CCM2L: variants seen among roughly 807,000 people sequenced by gnomAD.
CCM2L encodes CCM2 like scaffold protein, also known as cerebral cavernous malformations 2 protein-like.
A neutral mutation model predicts 54.1 loss-of-function variants in CCM2L; 36 were observed. That is an observed-to-expected ratio of 0.67 (90% CI 0.51 to 0.88). The LOEUF is 0.88. CCM2L is among the 40% of genes least tolerant of loss of function. The pLI, the probability that CCM2L is intolerant of heterozygous loss-of-function variation, is 0.00. For synonymous variants in CCM2L, 351 were observed against 359.3 expected, an observed-to-expected ratio of 0.98 and a Z score of 0.26; for missense variants, 700 against 812.1, an observed-to-expected ratio of 0.86 and a Z score of 1.68.
At chr20:32,023,723 TTTG>T (rs377581830) in intron 6 of CCM2L, among the ~76,000 whole-genome samples, 8 of 152,134 alleles carry the variant, frequency 5.3e-5, no homozygotes, top group East Asian at 3.8e-4. Flanking sequence ...TTGGTTGGTT[TTTG>T]TTGTTGTTGT....
At position 32,029,086 on chromosome 20, in the gene CCM2L, A is replaced by C. The variant is rs1029880508; in HGVS notation, c.1225A>C (p.Ser409Arg). The C allele has an allele frequency of 6.2e-7, 1 of 1,614,088 alleles. No individual in the cohort carries two copies. Among genetic ancestry groups the C allele is most frequent in the Non-Finnish European group, 8.5e-7 (1 of 1,180,052 alleles). Reference sequence around the variant, plus strand: ...CCACTGCAGCGGCAGCGACCACAGCAGTCTGGGCTTGGAGCAGTTACAGGA... The same window carrying C: ...CCACTGCAGCGGCAGCGACCACAGCCGTCTGGGCTTGGAGCAGTTACAGGA... ...GSHCSGSDHS[S>R]LGLEQLQDYM... Residue 409 changes from serine to arginine, a missense_variant, in exon 8 of 10, where the codon AGT becomes CGT. Coordinates refer to ENST00000452892, the MANE Select transcript of CCM2L (RefSeq NM_001365692.1).
In CCM2L at chr20:32,031,152, C is replaced by T; in HGVS notation, c.1554C>T (p.Tyr518=). ...SSTSASAVRS[Y]DGAAQRPEAQ... ...CGTCGGCCTCCGCAGTGCGCAGCTA[C>T]GATGGCGCGGCGCAGCGGCCCGAGG... The change falls in exon 10 of 10, where the codon TAC becomes TAT. Residue 518 remains tyrosine (Y), a synonymous_variant. Transcript: ENST00000452892. 3.8e-6 allele frequency: 5 copies of T among 1,303,300 alleles called. No homozygotes were observed. The South Asian group carries it at 4.9e-5, about 13-fold the overall frequency. The allele number at this position is 1,303,300 out of a possible 1,614,324, so 80.7% of individuals were successfully genotyped here.
rs2064817266 is a variant in CCM2L, at chr20:32,022,758, C to G, written c.1032C>G (p.Tyr344Ter). Residue 344 changes from tyrosine (Y) to a stop codon, truncating the protein, a stop_gained, in exon 6 of 10, where the codon TAC becomes TAG. Transcript: ENST00000452892. LOFTEE classifies it high-confidence loss of function. ...GTGTGGACCGGGCTGGCTACCACTACACATCCACACCTGAACGGCCATGGC... is the reference window on the plus strand; with the variant it reads ...GTGTGGACCGGGCTGGCTACCACTAGACATCCACACCTGAACGGCCATGGC... ...IECVDRAGYH[Y>*]TSTPERPWLC... 6.2e-7 allele frequency: 1 copy of G among 1,613,604 alleles called. No homozygotes were observed. Among genetic ancestry groups the G allele is most frequent in the East Asian group, 2.2e-5 (1 of 44,856 alleles).
chr20:32,028,685 G>A (rs2064887052), intron 7 of CCM2L: 3 of 366,944 alleles, frequency 8.2e-6, no homozygotes, highest in Non-Finnish European at 1.0e-5. Context: ...ATCACGGGAT[G>A]AGTAAGAGTT....
chr20:32,014,550 G>C (rs2064722261), intron 1 of CCM2L, among the ~76,000 whole-genome samples: 1 of 152,106 alleles, frequency 6.6e-6, no homozygotes, highest in Non-Finnish European at 1.5e-5. Flanking sequence ...ACAGGTATGA[G>C]CCACCACGCC....
intron 1 of CCM2L, among the ~76,000 whole-genome samples, chr20:32,012,420 G>A (rs2064702649): frequency 6.6e-6 from 1 of 152,156 alleles, no homozygotes; most frequent in Non-Finnish European, 1.5e-5. Flanking sequence ...GCTAGGTGTG[G>A]TGGTGGTGCA....
chr20:32,014,994 T>A lies in CCM2L; in HGVS notation c.121T>A (p.Ser41Thr). The A allele has an allele frequency of 6.3e-7, 1 of 1,580,492 alleles. No homozygotes were observed. The highest frequency in any genetic ancestry group is 8.6e-7 in the Non-Finnish European group (1 of 1,165,792). Residue 41 changes from serine (S) to threonine (T), a missense_variant, in exon 2 of 10, where the codon TCG (serine) becomes ACG (threonine). Transcript: ENST00000452892. ...RSSVSRRPLH[S>T]MPLYPPDYLI... is the part of the protein sequence containing the mutation. ...CAGCGTGAGCCGCCGGCCCCTGCAC[T>A]CGATGCCCCTTTATCCCCCCGACTA...
rs1166347366 is a variant in CCM2L at position 32,029,131 on chromosome 20, T to C, written c.1263+7T>C. The C allele has an allele frequency of 3.1e-6, 5 of 1,614,004 alleles. No individual in the cohort carries two copies. The African/African-American group carries it at 5.3e-5, about 17-fold the overall frequency. On this transcript the variant is annotated splice_region_variant and intron_variant, in intron 8 of 9. Transcript: ENST00000452892. ...ACAGGATTACATGGTCACGGTGAGC[T>C]GGGGCCGGTGGTGGGAATGGCACAA...
chr20:32,019,457 G>A, intron 5 of CCM2L, 48 bp downstream of exon 5: 2 of 1,368,684 alleles, frequency 1.5e-6, no homozygotes, highest in Non-Finnish European at 1.9e-6. Flanking sequence ...CGGGAACGCT[G>A]CTTCCCCGCC....
At chr20:32,028,923 C>A in intron 7 of CCM2L, 72 bp from the exon 8 acceptor site, 4 of 1,597,254 alleles carry the variant, frequency 2.5e-6, no homozygotes, top group Non-Finnish European at 3.4e-6. Flanking sequence ...GATGAGGCCT[C>A]CTACCTTCAG....
At chr20:32,017,379 G>T (rs1252055046) in intron 2 of CCM2L, among the ~76,000 whole-genome samples, 4 of 152,192 alleles carry the variant, frequency 2.6e-5, no homozygotes, top group Non-Finnish European at 5.9e-5. Context: ...CAGGCCAGAG[G>T]AAATTTACAG....
intron 7 of CCM2L, among the ~76,000 whole-genome samples, chr20:32,027,337 C>G (rs1372881022): frequency 6.6e-6 from 1 of 152,212 alleles, no homozygotes; most frequent in African/African-American, 2.4e-5. Flanking sequence ...TTTAAACAAC[C>G]AGATATCTAC....
chr20:32,031,371 T>C lies in CCM2L; in HGVS notation c.*57T>C, dbSNP rs983132150. ...GCCCACCTCTGAGTCTCAGCTTTGC[T>C]TCGGGGACCCTATCCCCAGGGCCCC... is the stretch of plus-strand genomic sequence containing the variant. On this transcript the variant is annotated 3_prime_UTR_variant, in exon 10 of 10. Coordinates refer to ENST00000452892, the MANE Select transcript of CCM2L (RefSeq NM_001365692.1). 1 of 1,210,836 alleles carries C rather than the reference T, an allele frequency of 8.3e-7. No homozygotes were observed. Among genetic ancestry groups the C allele is most frequent in the Non-Finnish European group, 1.1e-6 (1 of 950,906 alleles). The allele number at this position is 1,210,836 out of a possible 1,614,324, so 75.0% of individuals were successfully genotyped here. A position where few individuals can be genotyped will look rare whatever the true frequency, so the allele number is the denominator to read the frequency against.
At position 32,015,877 on chromosome 20, in the gene CCM2L, G is replaced by C. The variant is rs1400989585; in HGVS notation, c.198+806G>C. On this transcript the variant is annotated intron_variant, in intron 2 of 9. Transcript: ENST00000452892. Reference sequence around the variant, plus strand: ...TGTACTTCTTTTTTTTTTTTTTTGAGACAGAGTCTCATTCTGTCTCCCAGG... The same window carrying C: ...TGTACTTCTTTTTTTTTTTTTTTGACACAGAGTCTCATTCTGTCTCCCAGG... Among the ~76,000 whole-genome samples, 4 of 59,078 alleles carry C rather than the reference G, an allele frequency of 6.8e-5. No homozygotes were observed. In the East Asian group the frequency reaches 9.9e-4, roughly 15 times the overall value. 38.8% of individuals were successfully genotyped at this position (59,078 alleles called of 152,430 possible). A position where few individuals can be genotyped will look rare whatever the true frequency, so the allele number is the denominator to read the frequency against.
intron 5 of CCM2L, among the ~76,000 whole-genome samples, chr20:32,020,716 A>C (rs996910308): frequency 1.3e-5 from 2 of 152,166 alleles, no homozygotes; most frequent in African/African-American, 4.8e-5. Flanking sequence ...TTTTTAAAAC[A>C]TAACCAAGCC....
intron 7 of CCM2L, among the ~76,000 whole-genome samples, chr20:32,027,460 C>A (rs901017128): frequency 1.3e-5 from 2 of 152,206 alleles, no homozygotes; most frequent in Non-Finnish European, 2.9e-5. Flanking sequence ...ACAGCAGCTA[C>A]TGTTTATTGC....
At chr20:32,014,483 C>T (rs2064721368) in intron 1 of CCM2L, among the ~76,000 whole-genome samples, 1 of 152,102 alleles carries the variant, frequency 6.6e-6, no homozygotes, top group Non-Finnish European at 1.5e-5. Flanking sequence ...CCAGGCTAGT[C>T]TCCAACTCCT....
In CCM2L at chr20:32,031,531, A is replaced by C. The variant is rs2064929384; in HGVS notation, c.*217A>C. ...CCGGGCCCTGAAGTCCGGGGCAGTC[A>C]CCCGGGGCTCCTGGGCCGCTCTGCC... On this transcript the variant is annotated 3_prime_UTR_variant, in exon 10 of 10. Transcript: ENST00000452892. 6.4e-6 allele frequency: 2 copies of C among 311,218 alleles called. No homozygotes were observed. Among genetic ancestry groups the C allele is most frequent in the South Asian group, 2.9e-5 (1 of 34,708 alleles). 19.3% of individuals were successfully genotyped at this position (311,218 alleles called of 1,614,324 possible).
intron 2 of CCM2L, among the ~76,000 whole-genome samples, chr20:32,017,308 T>C (rs1568913050): frequency 6.6e-6 from 1 of 152,206 alleles, no homozygotes; most frequent in South Asian, 2.1e-4. Context: ...AACAAGACCA[T>C]AAGGAAGGCA....
Sources: allele counts gnomAD v4.1 joint callset (sites outside exome capture counted in the v4.1 genomes callset), GRCh38; gene constraint gnomAD v4.1.1; transcripts MANE v1.5; gene names NCBI Gene and HGNC (gene_info 2026-07-23, HGNC 2026-07-21).